Variants in UNC5C observed in about 807,000 individuals in gnomAD.
The protein encoded by UNC5C is unc-5 netrin receptor C.
A neutral mutation model predicts 99.8 loss-of-function variants in UNC5C; 47 were observed. The ratio of observed to expected loss-of-function variants is 0.47; its 90% confidence interval spans 0.37 to 0.60. The LOEUF (loss-of-function observed/expected upper bound fraction) is 0.60. Ranked by LOEUF, UNC5C falls within the 20% of genes least tolerant of loss-of-function variation. UNC5C has a pLI of 0.00. For missense variants in UNC5C, 1,062 were observed against 1,165.9 expected, an observed-to-expected ratio of 0.91 and a Z score of 1.30; for synonymous variants, 487 against 452.2, an observed-to-expected ratio of 1.08 and a Z score of -0.98.
chr4:95,223,624 C>T (rs1340039475), intron 7 of UNC5C, among the ~76,000 whole-genome samples: 1 of 152,180 alleles, frequency 6.6e-6, no homozygotes, highest in Non-Finnish European at 1.5e-5. Context: ...GCAATGATTG[C>T]AACCTCCTAC....
At chr4:95,318,967 C>T (rs1186264801) in intron 2 of UNC5C, among the ~76,000 whole-genome samples, 8 of 152,182 alleles carry the variant, frequency 5.3e-5, no homozygotes, top group Admixed American at 5.2e-4. Flanking sequence ...TTTCCCCCAT[C>T]TCTCTTTTCC....
intron 1 of UNC5C, among the ~76,000 whole-genome samples, chr4:95,388,037 T>A (rs1745258359): frequency 1.3e-5 from 2 of 152,138 alleles, no homozygotes; most frequent in African/African-American, 4.8e-5. Flanking sequence ...CTAGCAGAGA[T>A]GAACTATTTT....
chr4:95,266,573 T>C (rs1047067469), intron 4 of UNC5C, among the ~76,000 whole-genome samples: 5 of 152,214 alleles, frequency 3.3e-5, no homozygotes, highest in East Asian at 1.9e-4. Flanking sequence ...CATGGTTTTA[T>C]AGTTTCGCTG....
Position 95,168,601 on chromosome 4 carries a change from G to C in UNC5C, c.*633C>G, listed in dbSNP as rs1735952799. 1 of 152,612 alleles carries C rather than the reference G, an allele frequency of 6.6e-6. No homozygotes were observed. Among genetic ancestry groups the C allele is most frequent in the Non-Finnish European group, 1.5e-5 (1 of 68,046 alleles). 9.5% of individuals were successfully genotyped at this position (152,612 alleles called of 1,614,324 possible). Reference sequence around the variant, plus strand: ...GTCCCTCCAAGGAATAGGAGTCTTAGTTATTTCTTTTTTACACTTAGATTC... The same window carrying C: ...GTCCCTCCAAGGAATAGGAGTCTTACTTATTTCTTTTTTACACTTAGATTC... On this transcript the variant is annotated 3_prime_UTR_variant, in exon 16 of 16. Coordinates refer to ENST00000453304, the MANE Select transcript of UNC5C (RefSeq NM_003728.4).
intron 12 of UNC5C, among the ~76,000 whole-genome samples, chr4:95,192,498 A>C (rs1298368922): frequency 2.2e-3 from 64 of 28,738 alleles, no homozygotes; most frequent in Middle Eastern, 0.026. Flanking sequence ...TCCCCTTCTC[A>C]CCTCTCCTCC....
chr4:95,380,232 C>T (rs541992807), intron 1 of UNC5C, among the ~76,000 whole-genome samples: 9 of 151,988 alleles, frequency 5.9e-5, no homozygotes, highest in African/African-American at 1.4e-4. Flanking sequence ...GTACTTTATA[C>T]GTATCTAAAA....
At chr4:95,357,829 C>T (rs879754615) in intron 1 of UNC5C, among the ~76,000 whole-genome samples, 14 of 151,940 alleles carry the variant, frequency 9.2e-5, no homozygotes, top group Non-Finnish European at 1.8e-4. Context: ...CCACAAAAAA[C>T]ACTAATAGTA....
At chr4:95,491,140 C>T (rs148395861) in intron 1 of UNC5C, among the ~76,000 whole-genome samples, 170 of 151,224 alleles carry the variant, frequency 1.1e-3, no homozygotes, top group African/African-American at 3.7e-3. Context: ...TTTTCAATGA[C>T]GGGCCAAAAA....
intron 1 of UNC5C, among the ~76,000 whole-genome samples, chr4:95,357,126 C>CTTTTTTTTTTT (rs758274172): frequency 9.0e-6 from 1 of 110,850 alleles, no homozygotes; most frequent in African/African-American, 4.7e-5. Flanking sequence ...TCTTGTTTTC[C>CTTTTTTTTTTT]TTTTTTTTGT....
In UNC5C at chr4:95,278,303, C is replaced by T. The variant is rs2149394155; in HGVS notation, c.550G>A (p.Val184Ile). ...LGKEVSLEQE[V>I]LLQCRPPEGI... ...TCAGGTGGTCGACACTGGAGTAAGA[C>T]TTCCTGTTCCAAAGACACTTCCTTT... The change falls in exon 4 of 16, where the codon GTC becomes ATC. Residue 184 changes from valine (V) to isoleucine (I), a missense_variant. By Grantham distance (29) the Val-to-Ile change is conservative. Coordinates refer to ENST00000453304, the MANE Select transcript of UNC5C (RefSeq NM_003728.4). 1 of 1,614,162 alleles carries T rather than the reference C, an allele frequency of 6.2e-7. No homozygotes were observed. Among genetic ancestry groups the T allele is most frequent in the South Asian group, 1.1e-5 (1 of 91,078 alleles).
intron 2 of UNC5C, among the ~76,000 whole-genome samples, chr4:95,320,434 A>G (rs563736766): frequency 1.4e-4 from 20 of 143,400 alleles, no homozygotes; most frequent in African/African-American, 4.3e-4. Flanking sequence ...AAAAAAAAAA[A>G]AAAAGAAAAG....
chr4:95,469,380 T>G (rs1747895304), intron 1 of UNC5C, among the ~76,000 whole-genome samples: 1 of 152,180 alleles, frequency 6.6e-6, no homozygotes, highest in Non-Finnish European at 1.5e-5. Context: ...TTCACCTTCC[T>G]TTTGGTTTAG....
intron 1 of UNC5C, among the ~76,000 whole-genome samples, chr4:95,474,436 G>T (rs78504870): frequency 1.3e-5 from 2 of 151,964 alleles, no homozygotes; most frequent in African/African-American, 4.8e-5. Flanking sequence ...GATTACAGGC[G>T]CCTGCCAGCA....
intron 1 of UNC5C, among the ~76,000 whole-genome samples, chr4:95,453,464 A>C (rs1184679848): frequency 6.6e-6 from 1 of 152,072 alleles, no homozygotes; most frequent in Non-Finnish European, 1.5e-5. Flanking sequence ...CGGGAGGAAA[A>C]GAAGAAGAAA....
At chr4:95,217,862 G>C (rs1738321271) in intron 9 of UNC5C, among the ~76,000 whole-genome samples, 1 of 152,216 alleles carries the variant, frequency 6.6e-6, no homozygotes, top group African/African-American at 2.4e-5. Context: ...GCATGCAATA[G>C]CATGAGGATT....
chr4:95,386,879 G>T (rs1745226288), intron 1 of UNC5C, among the ~76,000 whole-genome samples: 1 of 151,972 alleles, frequency 6.6e-6, no homozygotes, highest in Admixed American at 6.6e-5. Flanking sequence ...GGTCCTCAGT[G>T]GACATTCATA....
At chr4:95,462,171 C>G (rs1038772848) in intron 1 of UNC5C, among the ~76,000 whole-genome samples, 12 of 152,110 alleles carry the variant, frequency 7.9e-5, no homozygotes, top group Admixed American at 2.0e-4. Flanking sequence ...TCAATGCTCA[C>G]TTTCCCCCCC....
At position 95,201,044 on chromosome 4, in the gene UNC5C, T is replaced by C. The variant is rs72878152; in HGVS notation, c.2136+1687A>G. ...TCCACCACGTGAGGACACAGCAAAA[T>C]GTCAGCAGTTCCTCATCAGAGCCCA... On this transcript the variant is annotated intron_variant, in intron 12 of 15. Coordinates refer to ENST00000453304, the MANE Select transcript of UNC5C (RefSeq NM_003728.4). Among the ~76,000 whole-genome samples the C allele has an allele frequency of 6.8e-4, 103 of 152,218 alleles. 1 individual carries two copies. The highest frequency in any genetic ancestry group is 2.4e-3 in the African/African-American group (100 of 41,530).
intron 1 of UNC5C, among the ~76,000 whole-genome samples, chr4:95,424,518 C>CTTTTCTTTTTTTT (rs1200746093): frequency 4.4e-5 from 3 of 67,952 alleles, no homozygotes; most frequent in African/African-American, 1.8e-4. Flanking sequence ...TTTTTCTTTT[C>CTTTTCTTTTTTTT]TTTTTTTTTT....
Sources: gnomAD v4.1 joint callset for allele counts (sites outside exome capture counted in the v4.1 genomes callset) on GRCh38, gnomAD v4.1.1 for gene constraint, MANE v1.5 for transcripts, NCBI Gene and HGNC (gene_info 2026-07-23, HGNC 2026-07-21) for gene names.